Variants in RARB observed in about 807,000 individuals in gnomAD.
RARB encodes the protein HBV-activated protein.
RARB carries 17 observed loss-of-function variants against 51.9 expected under a neutral mutation model. The ratio of observed to expected loss-of-function variants is 0.33; its 90% CI spans 0.22 to 0.49. The LOEUF (loss-of-function observed/expected upper bound fraction) is 0.49, where lower values mean the gene tolerates loss of function less well. Among genes scored for constraint, RARB ranks in the 20% least tolerant of loss-of-function variants. RARB has a pLI of 0.99. For synonymous variants in RARB, 215 were observed against 195.4 expected, an observed-to-expected ratio of 1.10 and a Z score of -0.84; for missense variants, 369 against 550.8, an observed-to-expected ratio of 0.67 and a Z score of 3.30.
At chr3:24,957,794 T>C (rs1254185791) in intron 2 of RARB, among the ~76,000 whole-genome samples, 1 of 152,122 alleles carries the variant, frequency 6.6e-6, no homozygotes, top group African/African-American at 2.4e-5. Flanking sequence ...CAGAGTTAGA[T>C]CCCGTTAGAA....
At chr3:25,251,201 A>G (rs1702709970) in intron 5 of RARB, among the ~76,000 whole-genome samples, 1 of 152,042 alleles carries the variant, frequency 6.6e-6, no homozygotes, top group Admixed American at 6.6e-5. Flanking sequence ...AGCATGCATT[A>G]CTACTTCATT....
chr3:25,102,778 G>A (rs116025074), intron 3 of RARB, among the ~76,000 whole-genome samples: 4,147 of 151,924 alleles, frequency 0.027, 74 homozygotes, highest in South Asian at 0.051. Context: ...CATGCTGGGC[G>A]CTGTGGCTCA....
chr3:25,474,484 A>C (rs1229292924), intron 2 of RARB, among the ~76,000 whole-genome samples: 2 of 152,310 alleles, frequency 1.3e-5, no homozygotes, highest in African/African-American at 4.8e-5. Flanking sequence ...TTCAGTTTCC[A>C]GAGTCATCCT....
intron 5 of RARB, among the ~76,000 whole-genome samples, chr3:25,334,915 T>G (rs893450941): frequency 2.7e-5 from 4 of 147,574 alleles, no homozygotes; most frequent in African/African-American, 1.1e-4. Flanking sequence ...GTTGGTCACC[T>G]TCTTTTTTCA....
intron 2 of RARB, among the ~76,000 whole-genome samples, chr3:24,912,975 C>CTTTTT (rs386396163): frequency 0.047 from 3,477 of 74,676 alleles, 538 homozygotes; most frequent in Non-Finnish European, 0.065. Flanking sequence ...GGTACTGATT[C>CTTTTT]TTTTTTTTTT....
At chr3:24,979,780 G>A (rs996361035) in intron 2 of RARB, among the ~76,000 whole-genome samples, 1 of 151,920 alleles carries the variant, frequency 6.6e-6, no homozygotes, top group Non-Finnish European at 1.5e-5. Flanking sequence ...TTCATTTAAG[G>A]TTAATATTGT....
At chr3:24,934,310 T>A (rs1193387767) in intron 2 of RARB, among the ~76,000 whole-genome samples, 1 of 152,066 alleles carries the variant, frequency 6.6e-6, no homozygotes, top group Non-Finnish European at 1.5e-5. Flanking sequence ...GTTGGAAGAG[T>A]TACCGGCACA....
At chr3:25,530,953 A>G (rs1345606314) in intron 3 of RARB, among the ~76,000 whole-genome samples, 1 of 152,222 alleles carries the variant, frequency 6.6e-6, no homozygotes, top group Non-Finnish European at 1.5e-5. Context: ...TTTATACCCT[A>G]GGAGCAAACC....
chr3:25,327,530 C>G (rs1704761533), intron 5 of RARB, among the ~76,000 whole-genome samples: 2 of 152,112 alleles, frequency 1.3e-5, no homozygotes. Flanking sequence ...CCTGCCAAAA[C>G]TTTTAAGTTT....
chr3:24,946,362 C>A (rs147404399), intron 2 of RARB, among the ~76,000 whole-genome samples: 287 of 105,068 alleles, frequency 2.7e-3, no homozygotes, highest in African/African-American at 7.2e-3. Flanking sequence ...AAACCCGAGC[C>A]AGTTCAGAGT....
At chr3:25,263,477 T>A (rs1052813427) in intron 5 of RARB, among the ~76,000 whole-genome samples, 6 of 152,124 alleles carry the variant, frequency 3.9e-5, no homozygotes, top group African/African-American at 1.4e-4. Flanking sequence ...GCCACTATAG[T>A]TAATTTGAAA....
intron 2 of RARB, among the ~76,000 whole-genome samples, chr3:25,058,066 G>A (rs1698475673): frequency 6.6e-6 from 1 of 151,902 alleles, no homozygotes; most frequent in Admixed American, 6.6e-5. Context: ...TGACTTTAGA[G>A]CATAAACTTC....
intron 5 of RARB, among the ~76,000 whole-genome samples, chr3:25,179,153 A>G (rs558375252): frequency 1.3e-5 from 2 of 152,298 alleles, no homozygotes; most frequent in African/African-American, 4.8e-5. Context: ...CAGAATTACC[A>G]ATGATGGAAC....
intron 3 of RARB, among the ~76,000 whole-genome samples, chr3:25,063,481 A>C (rs570615272): frequency 6.6e-6 from 1 of 152,166 alleles, no homozygotes; most frequent in East Asian, 1.9e-4. Context: ...CCAATTTAGT[A>C]TTTATGGCAG....
chr3:25,193,470 G>A (rs1205279317), intron 5 of RARB, among the ~76,000 whole-genome samples: 1 of 151,980 alleles, frequency 6.6e-6, no homozygotes, highest in African/African-American at 2.4e-5. Context: ...ATACTTCATT[G>A]TACCCATGAT....
At chr3:25,359,643 T>C (rs1705865901) in intron 5 of RARB, among the ~76,000 whole-genome samples, 1 of 152,192 alleles carries the variant, frequency 6.6e-6, no homozygotes, top group Non-Finnish European at 1.5e-5. Flanking sequence ...AACACTACTT[T>C]AGCTCTGTAC....
At position 24,980,758 on chromosome 3, in the gene RARB, A is replaced by G. The variant is rs183314998; in HGVS notation, c.-379-79367A>G. ...TTGTTATTCTGACCTTCTGAAGCCTACTTCTGTCAACTCGTCAAACTCATT... is the reference window on the plus strand; with the variant it reads ...TTGTTATTCTGACCTTCTGAAGCCTGCTTCTGTCAACTCGTCAAACTCATT... On this transcript the variant is annotated intron_variant, in intron 2 of 11. Coordinates refer to the RARB transcript ENST00000383772. Among the ~76,000 whole-genome samples the G allele has an allele frequency of 2.6e-5, 4 of 152,212 alleles. No homozygotes were observed. The East Asian group carries it at 7.8e-4, about 29-fold the overall frequency.
At chr3:25,569,484 A>G (rs980227712) in intron 3 of RARB, among the ~76,000 whole-genome samples, 7 of 152,320 alleles carry the variant, frequency 4.6e-5, no homozygotes, top group Middle Eastern at 3.4e-3. Flanking sequence ...TTCTCTCACA[A>G]CAAGCCAAGA....
intron 1 of RARB, among the ~76,000 whole-genome samples, chr3:24,849,161 TAAAC>T (rs1327804065): frequency 2.0e-5 from 3 of 152,168 alleles, no homozygotes; most frequent in Non-Finnish European, 4.4e-5. Context: ...ATTTATAAAT[TAAAC>T]ACAGTAAGAG....
Sources: allele counts gnomAD v4.1 joint callset (sites outside exome capture counted in the v4.1 genomes callset), GRCh38; gene constraint gnomAD v4.1.1; transcripts MANE v1.5; gene names NCBI Gene and HGNC (gene_info 2026-07-23, HGNC 2026-07-21).